Variants in MYO6 observed in about 807,000 individuals in gnomAD.
MYO6 encodes unconventional myosin-VI.
Under a neutral mutation model 178.7 loss-of-function variants are expected in MYO6, and 74 were observed. The observed-to-expected ratio is 0.41, with a 90% CI of 0.34 to 0.50. The LOEUF (loss-of-function observed/expected upper bound fraction) is 0.50. MYO6 is among the 20% of genes least tolerant of loss of function. The pLI, the probability that MYO6 is intolerant of heterozygous loss-of-function variation, is 0.09. For missense variants in MYO6, 1,330 were observed against 1,547.4 expected, an observed-to-expected ratio of 0.86 and a Z score of 2.36; for synonymous variants, 477 against 504.6, an observed-to-expected ratio of 0.95 and a Z score of 0.73.
At chr6:75,787,135 C>A (rs1767647536) in intron 1 of MYO6, among the ~76,000 whole-genome samples, 1 of 152,158 alleles carries the variant, frequency 6.6e-6, no homozygotes, top group Non-Finnish European at 1.5e-5. Context: ...GCACTACACA[C>A]CCACTAGAAA....
At chr6:75,855,334 A>C in intron 12 of MYO6, 51 bp downstream of exon 12, 11 of 1,573,598 alleles carry the variant, frequency 7.0e-6, no homozygotes, top group Non-Finnish European at 9.6e-6. Flanking sequence ...GCAGTTTGTC[A>C]AGGAAAAACA....
intron 1 of MYO6, among the ~76,000 whole-genome samples, chr6:75,805,712 G>A (rs1413532062): frequency 6.6e-6 from 1 of 152,170 alleles, no homozygotes; most frequent in African/African-American, 2.4e-5. Flanking sequence ...ATAATTTTCA[G>A]TTGATGATGG....
chr6:75,792,971 T>C (rs1461200043), intron 1 of MYO6, among the ~76,000 whole-genome samples: 8 of 151,980 alleles, frequency 5.3e-5, no homozygotes. Context: ...TTTAATTTTT[T>C]TGTAGAGACA....
intron 7 of MYO6, among the ~76,000 whole-genome samples, chr6:75,838,362 G>A (rs1773862589): frequency 6.6e-6 from 1 of 151,962 alleles, no homozygotes; most frequent in Admixed American, 6.6e-5. Flanking sequence ...CAGCTCAATA[G>A]CCTCTTAATG....
rs555149775 is a variant in MYO6, at chr6:75,782,974, G to A, written c.-48+33551G>A. Among the ~76,000 whole-genome samples the A allele has an allele frequency of 4.7e-5, 7 of 150,360 alleles. No homozygotes were observed. The East Asian group carries it at 1.2e-3, about 25-fold the overall frequency. ...TTGTCACCCAGGCTGGAGTGCAGTG[G>A]CATGATCGCAGCTCACTGCAGCCTT... On this transcript the variant is annotated intron_variant, in intron 1 of 34. Coordinates refer to ENST00000369977, the MANE Select transcript of MYO6 (RefSeq NM_004999.4).
intron 1 of MYO6, among the ~76,000 whole-genome samples, chr6:75,794,579 A>G (rs1430388528): frequency 6.6e-6 from 1 of 152,140 alleles, no homozygotes; most frequent in East Asian, 1.9e-4. Flanking sequence ...GTATGAAGGT[A>G]GAACAAAGAC....
intron 12 of MYO6, among the ~76,000 whole-genome samples, chr6:75,855,979 C>G (rs1270804018): frequency 6.6e-6 from 1 of 152,140 alleles, no homozygotes; most frequent in Admixed American, 6.6e-5. Flanking sequence ...CAAATTTAAA[C>G]AAAGAATTTT....
chr6:75,838,200 G>A (rs1773846326), intron 7 of MYO6, among the ~76,000 whole-genome samples: 1 of 152,116 alleles, frequency 6.6e-6, no homozygotes, highest in African/African-American at 2.4e-5. Flanking sequence ...TTATAGGGGT[G>A]TGTGCCACCA....
chr6:75,851,695 A>G (rs887879680), intron 11 of MYO6, among the ~76,000 whole-genome samples: 8 of 151,876 alleles, frequency 5.3e-5, no homozygotes, highest in African/African-American at 1.9e-4. Context: ...CACAAAATAA[A>G]TTAGCTGGGC....
intron 7 of MYO6, among the ~76,000 whole-genome samples, chr6:75,837,319 A>C (rs1005917637): frequency 1.3e-5 from 2 of 152,210 alleles, no homozygotes; most frequent in African/African-American, 2.4e-5. Context: ...ATAGTTCATC[A>C]GTTGTGAAAT....
At chr6:75,779,421 G>A (rs528607937) in intron 1 of MYO6, among the ~76,000 whole-genome samples, 5 of 152,112 alleles carry the variant, frequency 3.3e-5, no homozygotes, top group Admixed American at 3.3e-4. Context: ...AGAATTGCTT[G>A]AACCCAGGAG....
Position 75,914,913 on chromosome 6 carries a change from G to C in MYO6, c.3759G>C (p.Trp1253Cys). 1 of 1,614,122 alleles carries C rather than the reference G, an allele frequency of 6.2e-7. No individual in the cohort carries two copies. Among genetic ancestry groups the C allele is most frequent in the Non-Finnish European group, 8.5e-7 (1 of 1,180,016 alleles). Residue 1253 changes from tryptophan (W) to cysteine (C), a missense_variant, in exon 35 of 35, where the codon TGG becomes TGC. Physicochemically the swap from Trp to Cys is radical, Grantham distance 215. Transcript: ENST00000369977. ...EILPRQFEEI[W>C]ERCGGIQYLQ... ...TGCCAAGACAGTTTGAAGAAATCTG[G>C]GAACGCTGTGGAGGCATCCAGTACC... is the stretch of plus-strand genomic sequence containing the variant.
intron 33 of MYO6, among the ~76,000 whole-genome samples, chr6:75,913,310 G>A (rs1407443449): frequency 6.6e-6 from 1 of 152,170 alleles, no homozygotes; most frequent in East Asian, 1.9e-4. Flanking sequence ...TGAATGAAAT[G>A]CCCAGTACTA....
chr6:75,867,163 A>G, intron 18 of MYO6, 58 bp downstream of exon 18: 1 of 1,349,836 alleles, frequency 7.4e-7, no homozygotes, highest in South Asian at 1.4e-5. Context: ...ATTGTTTTAT[A>G]TTCTAAAATG....
chr6:75,774,901 C>T (rs576411422), intron 1 of MYO6, among the ~76,000 whole-genome samples: 4 of 152,084 alleles, frequency 2.6e-5, no homozygotes, highest in South Asian at 4.2e-4. Flanking sequence ...TCAAGCGATT[C>T]TCCTGCCTCA....
At chr6:75,913,787 A>T (rs1665496438) in intron 33 of MYO6, among the ~76,000 whole-genome samples, 2 of 151,976 alleles carry the variant, frequency 1.3e-5, no homozygotes, top group South Asian at 2.1e-4. Flanking sequence ...GATTTGTGGG[A>T]ATCTGACAGG....
intron 29 of MYO6, among the ~76,000 whole-genome samples, chr6:75,895,933 A>G (rs1375279872): frequency 1.3e-5 from 2 of 152,174 alleles, no homozygotes; most frequent in South Asian, 2.1e-4. Context: ...TCATTCTGCT[A>G]TATCTAAAAT....
At chr6:75,750,716 C>CTACA (rs1466004914) in intron 1 of MYO6, among the ~76,000 whole-genome samples, 1 of 151,646 alleles carries the variant, frequency 6.6e-6, no homozygotes, top group East Asian at 2.0e-4. Flanking sequence ...GTGGCTGGGA[C>CTACA]TACAGTAAGG....
intron 1 of MYO6, among the ~76,000 whole-genome samples, chr6:75,817,274 C>T (rs1771358204): frequency 6.9e-6 from 1 of 144,020 alleles, no homozygotes; most frequent in Non-Finnish European, 1.5e-5. Flanking sequence ...CACCGCACTC[C>T]AGCCTGGGTG....
Sources: gnomAD v4.1 joint callset for allele counts (sites outside exome capture counted in the v4.1 genomes callset) on GRCh38, gnomAD v4.1.1 for gene constraint, MANE v1.5 for transcripts, NCBI Gene and HGNC (gene_info 2026-07-23, HGNC 2026-07-21) for gene names.